Variants in GNB1 observed in about 807,000 individuals in gnomAD.
GNB1 encodes G protein subunit beta 1.
Under a neutral mutation model 42.9 loss-of-function variants are expected in GNB1, and 2 were observed. The observed-to-expected ratio is 0.05, with a 90% CI of 0.02 to 0.15. GNB1 has a LOEUF of 0.15. GNB1 is among the 10% of genes least tolerant of loss of function. The probability of loss-of-function intolerance (pLI) is 1.00; values close to 1 mark genes in which losing one functional copy is unlikely to be tolerated. For missense variants in GNB1, 193 were observed against 462.2 expected (o/e 0.42, Z 5.34); for synonymous variants, 183 against 174.7 (o/e 1.05, Z -0.38).
At chr1:1,837,277 C>T (rs1467477975) in intron 2 of GNB1, among the ~76,000 whole-genome samples, 7 of 136,464 alleles carry the variant, frequency 5.1e-5, no homozygotes, top group African/African-American at 1.4e-4. Flanking sequence ...TTTTTTGAGA[C>T]GGAGTCTCAC....
rs1419225535 is a variant in GNB1, at chr1:1,853,727, GA to G, written c.-95-14490del. Among the ~76,000 whole-genome samples, 10 of 152,258 alleles carry G rather than the reference GA, an allele frequency of 6.6e-5. No homozygotes were observed. In the South Asian group the frequency reaches 2.1e-3, roughly 32 times the overall value. On this transcript the variant is annotated intron_variant, in intron 1 of 11. Coordinates refer to ENST00000378609, the MANE Select transcript of GNB1 (RefSeq NM_002074.5). ...ACTATGTCTTCAGGCTATTTAGAATGACACAGTGCTCTATAAACCTCAGCTA... is the reference window on the plus strand; with the variant it reads ...ACTATGTCTTCAGGCTATTTAGAATGCACAGTGCTCTATAAACCTCAGCTA...
Position 1,804,558 on chromosome 1 carries a change from G to A in GNB1, c.291C>T (p.Ser97=), listed in dbSNP as rs1352954708. 7 of 1,609,690 alleles carry A rather than the reference G, an allele frequency of 4.3e-6. No individual in the cohort carries two copies. Among genetic ancestry groups the A allele is most frequent in the Admixed American group, 3.4e-5 (2 of 59,436 alleles). Residue 97 remains serine (S), a synonymous_variant, in exon 7 of 12, where the codon TCC becomes TCT. Transcript: ENST00000378609. ...CATATGCACAGGTCATGACCCAGGA[G>A]GAGCGCAGAGGGATGGCGTGGACCT... ...TNKVHAIPLR[S]SWVMTCAYAP... is the part of the protein sequence containing the mutation.
intron 1 of GNB1, among the ~76,000 whole-genome samples, chr1:1,870,909 C>T (rs191049672): frequency 2.0e-5 from 3 of 151,960 alleles, no homozygotes; most frequent in Non-Finnish European, 4.4e-5. Flanking sequence ...CCAGCCTGGG[C>T]GACAGAGACT....
chr1:1,833,220 A>C (rs1647100741), intron 2 of GNB1, among the ~76,000 whole-genome samples: 1 of 152,162 alleles, frequency 6.6e-6, no homozygotes, highest in South Asian at 2.1e-4. Flanking sequence ...TGCTAACTTG[A>C]CCAAACACAC....
chr1:1,880,726 A>G (rs914213577), intron 1 of GNB1, among the ~76,000 whole-genome samples: 13 of 152,288 alleles, frequency 8.5e-5, no homozygotes, highest in Admixed American at 1.3e-4. Context: ...CCAAGACTTC[A>G]ATCATCACCC....
chr1:1,799,599 A>G (rs1263082445), intron 7 of GNB1, among the ~76,000 whole-genome samples: 1 of 152,208 alleles, frequency 6.6e-6, no homozygotes, highest in African/African-American at 2.4e-5. Flanking sequence ...TCCTATCTGT[A>G]GGCATTACCT....
At chr1:1,788,683 G>A (rs546977404) in intron 10 of GNB1, 34 of 201,578 alleles carry the variant, frequency 1.7e-4, no homozygotes, top group South Asian at 9.6e-4. Flanking sequence ...GCAATAACAC[G>A]CTTGCCTTTG....
intron 5 of GNB1, among the ~76,000 whole-genome samples, chr1:1,810,306 C>G (rs1484985881): frequency 6.6e-6 from 1 of 151,460 alleles, no homozygotes; most frequent in Non-Finnish European, 1.5e-5. Context: ...ACCTCGTGAT[C>G]CGCCCACCTC....
In GNB1 at chr1:1,872,003, CTTTTTTT is replaced by C. The variant is rs570433638; in HGVS notation, c.-96+18810_-96+18816del. 1.2e-4 allele frequency among the ~76,000 whole-genome samples: 18 copies of C among 145,936 alleles called. 1 individual carries two copies. Among genetic ancestry groups the C allele is most frequent in the African/African-American group, 3.5e-4 (14 of 40,064 alleles). ...TTCAGCAATCTGAACAATCTTTTTT[CTTTTTTT>C]TTTTTTCTTAAGACAGGGTCTCGCT... is the stretch of plus-strand genomic sequence containing the variant. On this transcript the variant is annotated intron_variant, in intron 1 of 11. Coordinates refer to ENST00000378609, the MANE Select transcript of GNB1 (RefSeq NM_002074.5).
chr1:1,833,484 C>T (rs909631333), intron 2 of GNB1, among the ~76,000 whole-genome samples: 5 of 152,140 alleles, frequency 3.3e-5, no homozygotes, highest in Non-Finnish European at 7.4e-5. Context: ...ATAAAGGACA[C>T]GACCACTAAC....
intron 1 of GNB1, among the ~76,000 whole-genome samples, chr1:1,848,816 C>T (rs1008721393): frequency 3.3e-5 from 5 of 152,196 alleles, no homozygotes; most frequent in Non-Finnish European, 5.9e-5. Flanking sequence ...TATTCCTTCC[C>T]TTTCACTCTT....
chr1:1,889,462 A>AT (rs1482431184), intron 1 of GNB1, among the ~76,000 whole-genome samples: 1 of 152,168 alleles, frequency 6.6e-6, no homozygotes, highest in African/African-American at 2.4e-5. Context: ...CAAAACACAA[A>AT]TTTTAACATC....
At chr1:1,821,744 G>A (rs997862564) in intron 3 of GNB1, among the ~76,000 whole-genome samples, 5 of 152,140 alleles carry the variant, frequency 3.3e-5, no homozygotes, top group Non-Finnish European at 7.4e-5. Context: ...CACAGCAAAC[G>A]GAACCAGGAG....
At chr1:1,833,286 A>T (rs1039683319) in intron 2 of GNB1, among the ~76,000 whole-genome samples, 1 of 152,214 alleles carries the variant, frequency 6.6e-6, no homozygotes, top group Non-Finnish European at 1.5e-5. Flanking sequence ...AGGAGTTTGC[A>T]TGAGGAATTT....
chr1:1,811,236 C>T (rs1264935529), intron 5 of GNB1, among the ~76,000 whole-genome samples: 12 of 151,872 alleles, frequency 7.9e-5, no homozygotes, highest in Admixed American at 4.6e-4. Flanking sequence ...TACAGGCACT[C>T]GCCACCACAC....
intron 3 of GNB1, among the ~76,000 whole-genome samples, chr1:1,822,819 C>T (rs1350677619): frequency 6.6e-6 from 1 of 152,138 alleles, no homozygotes; most frequent in Non-Finnish European, 1.5e-5. Context: ...CATACAAGCT[C>T]TTTCCATCTG....
chr1:1,855,453 G>C (rs1490666760), intron 1 of GNB1, among the ~76,000 whole-genome samples: 3 of 152,124 alleles, frequency 2.0e-5, no homozygotes, highest in South Asian at 2.1e-4. Flanking sequence ...TGTAATCCCA[G>C]CACTTTGGGA....
At chr1:1,867,384 T>C (rs1238303230) in intron 1 of GNB1, among the ~76,000 whole-genome samples, 1 of 152,230 alleles carries the variant, frequency 6.6e-6, no homozygotes, top group Admixed American at 6.5e-5. Context: ...ACCTACTATG[T>C]ACCAGGCACT....
chr1:1,807,355 T>C (rs1011701242), intron 5 of GNB1, among the ~76,000 whole-genome samples: 1 of 148,346 alleles, frequency 6.7e-6, no homozygotes, highest in African/African-American at 2.5e-5. Context: ...TCCTAGCTAC[T>C]CAGGAGGCTG....
Sources: gnomAD v4.1 joint callset for allele counts (sites outside exome capture counted in the v4.1 genomes callset) on GRCh38, gnomAD v4.1.1 for gene constraint, MANE v1.5 for transcripts, NCBI Gene and HGNC (gene_info 2026-07-23, HGNC 2026-07-21) for gene names.